The following NPR3 variants were observed in gnomAD, a reference collection of about 807,000 sequenced individuals.
NPR3 encodes the protein atrial natriuretic peptide receptor 3.
Under a neutral mutation model 54.5 loss-of-function variants are expected in NPR3, and 34 were observed. That is an observed-to-expected ratio of 0.62 (90% CI 0.47 to 0.83). The LOEUF (loss-of-function observed/expected upper bound fraction) is 0.83. NPR3 is among the 40% of genes least tolerant of loss of function. NPR3 has a pLI of 0.00. For missense variants in NPR3, 674 were observed against 720.8 expected (o/e 0.94, Z 0.74); for synonymous variants, 289 against 297.1 (o/e 0.97, Z 0.28).
At chr5:32,747,604 A>G (rs1213944299) in intron 3 of NPR3, among the ~76,000 whole-genome samples, 3 of 151,906 alleles carry the variant, frequency 2.0e-5, no homozygotes, top group Non-Finnish European at 2.9e-5. Context: ...TTTTTTTAAA[A>G]CCCTTTATCT....
chr5:32,757,500 G>A (rs1014120455), intron 3 of NPR3, among the ~76,000 whole-genome samples: 4 of 152,190 alleles, frequency 2.6e-5, no homozygotes, highest in Admixed American at 6.5e-5. Context: ...GAGATTTTGG[G>A]CTGAGATGAT....
intron 3 of NPR3, among the ~76,000 whole-genome samples, chr5:32,744,139 C>T (rs370337600): frequency 1.1e-4 from 16 of 151,858 alleles, no homozygotes; most frequent in South Asian, 4.2e-4. Context: ...ATTACAGGCA[C>T]GTGCCGCCAC....
intron 2 of NPR3, among the ~76,000 whole-genome samples, chr5:32,734,079 C>T (rs1244404412): frequency 1.3e-5 from 2 of 152,192 alleles, no homozygotes; most frequent in Non-Finnish European, 2.9e-5. Flanking sequence ...GCAGGTCGAA[C>T]AGCCATATGG....
intron 3 of NPR3, among the ~76,000 whole-genome samples, chr5:32,770,933 CT>C (rs1181458095): frequency 6.6e-6 from 1 of 152,188 alleles, no homozygotes; most frequent in Non-Finnish European, 1.5e-5. Context: ...TTAGTCAGGA[CT>C]TGGACTTTGA....
chr5:32,790,582 T>G lies in NPR3; in HGVS notation c.*4237T>G. Reference sequence around the variant, plus strand: ...TGCATAAACTCCAACAAGCCTGGCTTTGGTGTTCAGCATGCACATTCCATA... The same window carrying G: ...TGCATAAACTCCAACAAGCCTGGCTGTGGTGTTCAGCATGCACATTCCATA... On this transcript the variant is annotated 3_prime_UTR_variant, in exon 8 of 8. Coordinates refer to ENST00000265074, the MANE Select transcript of NPR3 (RefSeq NM_001204375.2). The G allele has an allele frequency of 6.0e-6, 1 of 166,816 alleles. No homozygotes were observed. The allele number at this position is 166,816 out of a possible 1,614,324, so 10.3% of individuals were successfully genotyped here. A position where few individuals can be genotyped will look rare whatever the true frequency, so the allele number is the denominator to read the frequency against.
rs183506449 is a variant in NPR3, at chr5:32,780,140, C to T, written c.1196-582C>T. On this transcript the variant is annotated intron_variant, in intron 4 of 7. Coordinates refer to ENST00000265074, the MANE Select transcript of NPR3 (RefSeq NM_001204375.2). Reference sequence around the variant, plus strand: ...GCTGCAGCACTAATTCAGTACTAAGCGTCCAGAGAATGTTTGGATAAACAA... The same window carrying T: ...GCTGCAGCACTAATTCAGTACTAAGTGTCCAGAGAATGTTTGGATAAACAA... Among the ~76,000 whole-genome samples the T allele has an allele frequency of 2.2e-3, 333 of 152,314 alleles. 3 individuals carry two copies. The highest frequency in any genetic ancestry group is 8.8e-4 in the Non-Finnish European group (60 of 68,028).
intron 5 of NPR3, among the ~76,000 whole-genome samples, chr5:32,782,247 G>A (rs989701612): frequency 1.3e-5 from 2 of 152,152 alleles, no homozygotes; most frequent in Non-Finnish European, 2.9e-5. Flanking sequence ...TGAAACAGGA[G>A]GTTCCTGAAA....
chr5:32,717,040 TTCCCGCCCTGTG>T (rs1738597467), intron 1 of NPR3, among the ~76,000 whole-genome samples: 1 of 136,820 alleles, frequency 7.3e-6, no homozygotes, highest in African/African-American at 2.7e-5. Flanking sequence ...TGTGTGATGT[TTCCCGCCCTGTG>T]TCCAAGTGAT....
At chr5:32,693,599 A>G (rs572486527) in intron 1 of NPR3, among the ~76,000 whole-genome samples, 1 of 152,362 alleles carries the variant, frequency 6.6e-6, no homozygotes, top group East Asian at 1.9e-4. Context: ...TTTTGAACAT[A>G]GCATATTTGC....
At chr5:32,756,175 A>G (rs565272143) in intron 3 of NPR3, among the ~76,000 whole-genome samples, 1 of 152,356 alleles carries the variant, frequency 6.6e-6, no homozygotes, top group South Asian at 2.1e-4. Context: ...AGGAATCACT[A>G]AACTGTCTTC....
intron 3 of NPR3, among the ~76,000 whole-genome samples, chr5:32,742,456 T>TA (rs1740084730): frequency 1.3e-5 from 2 of 152,132 alleles, no homozygotes; most frequent in South Asian, 4.2e-4. Flanking sequence ...ACCTCACCTC[T>TA]AAAAAAATAA....
intron 1 of NPR3, among the ~76,000 whole-genome samples, chr5:32,703,748 C>T (rs1482051951): frequency 6.6e-6 from 1 of 152,194 alleles, no homozygotes; most frequent in African/African-American, 2.4e-5. Context: ...GTCCTCTTTT[C>T]TCTTCCATTT....
At chr5:32,724,999 G>A (rs1739063756) in intron 2 of NPR3, among the ~76,000 whole-genome samples, 179 bp downstream of exon 2, 1 of 152,148 alleles carries the variant, frequency 6.6e-6, no homozygotes, top group African/African-American at 2.4e-5. Flanking sequence ...TGGAGGCCAT[G>A]ATCCAAACAA....
chr5:32,775,628 G>A (rs1019693831), intron 4 of NPR3, among the ~76,000 whole-genome samples: 10 of 151,692 alleles, frequency 6.6e-5, no homozygotes, highest in African/African-American at 1.2e-4. Context: ...ATGGAGTCTC[G>A]CTCTTGTCGC....
chr5:32,790,748 G>T lies in NPR3; in HGVS notation c.*4403G>T, dbSNP rs1742868545. 6.0e-6 allele frequency: 1 copy of T among 167,020 alleles called. No individual in the cohort carries two copies. Among genetic ancestry groups the T allele is most frequent in the East Asian group, 1.9e-4 (1 of 5,202 alleles). 10.3% of individuals were successfully genotyped at this position (167,020 alleles called of 1,614,324 possible). On this transcript the variant is annotated 3_prime_UTR_variant, in exon 8 of 8. Transcript: ENST00000265074. ...AAATGCAAAGTATTCTAAACCAGCT[G>T]ATGCTGTCAGTGTTCAAGTTTTAAG...
At chr5:32,700,962 A>G (rs142753457) in intron 1 of NPR3, among the ~76,000 whole-genome samples, 13,865 of 152,166 alleles carry the variant, frequency 0.091, 2,059 homozygotes, top group African/African-American at 0.32. Flanking sequence ...GATCCTTGAG[A>G]AATCGCCACA....
chr5:32,713,851 C>G (rs951256369), intron 1 of NPR3, among the ~76,000 whole-genome samples: 1 of 152,236 alleles, frequency 6.6e-6, no homozygotes, highest in Non-Finnish European at 1.5e-5. Context: ...AGGTGTTTGA[C>G]AGTGGGAATG....
chr5:32,756,527 C>A (rs544633035), intron 3 of NPR3, among the ~76,000 whole-genome samples: 70 of 152,240 alleles, frequency 4.6e-4, no homozygotes, highest in African/African-American at 1.7e-3. Context: ...GAGTAGATTG[C>A]AAAAATTTTC....
intron 3 of NPR3, among the ~76,000 whole-genome samples, chr5:32,745,567 A>T (rs1276514844): frequency 6.6e-6 from 1 of 152,168 alleles, no homozygotes; most frequent in East Asian, 1.9e-4. Context: ...CCACTACATC[A>T]GTCTGACCCT....
Sources: gnomAD v4.1 joint callset for allele counts (sites outside exome capture counted in the v4.1 genomes callset) on GRCh38, gnomAD v4.1.1 for gene constraint, MANE v1.5 for transcripts, NCBI Gene and HGNC (gene_info 2026-07-23, HGNC 2026-07-21) for gene names.